KANSL1: variants seen among roughly 807,000 people sequenced by gnomAD.
KANSL1 encodes MLL1/MLL complex subunit KANSL1.
KANSL1 carries 22 observed loss-of-function variants against 103.6 expected under a neutral mutation model. That is an observed-to-expected ratio of 0.21 (90% CI 0.15 to 0.30). The LOEUF is 0.30. KANSL1 is among the 10% of genes least tolerant of loss of function. KANSL1 has a pLI of 1.00. For synonymous variants in KANSL1, 600 were observed against 527.6 expected, an observed-to-expected ratio of 1.14 and a Z score of -1.88; for missense variants, 1,337 against 1,399.8, an observed-to-expected ratio of 0.96 and a Z score of 0.72.
chr17:46,101,654 T>G (rs1598620862), intron 2 of KANSL1, among the ~76,000 whole-genome samples: 2 of 147,142 alleles, frequency 1.4e-5, no homozygotes, highest in South Asian at 4.2e-4. Context: ...CTCAGGAGGC[T>G]GAGGCAGGAG....
chr17:46,046,670 C>G (rs58578412), intron 7 of KANSL1, among the ~76,000 whole-genome samples: 1 of 149,184 alleles, frequency 6.7e-6, no homozygotes, highest in Non-Finnish European at 1.5e-5. Flanking sequence ...ACCCCCATCT[C>G]TACTAAAAGT....
Position 46,030,911 on chromosome 17 carries a change from G to C in KANSL1, c.*565C>G, listed in dbSNP as rs1389541779. 1 of 152,964 alleles carries C rather than the reference G, an allele frequency of 6.5e-6. No homozygotes were observed. Among genetic ancestry groups the C allele is most frequent in the Non-Finnish European group, 1.5e-5 (1 of 68,616 alleles). 9.5% of individuals were successfully genotyped at this position (152,964 alleles called of 1,614,324 possible). ...CTTAAGTTCTGGGTGAGAAAGGAAA[G>C]GTGTTCTGCCAGCTGAGCACTCGGG... is the stretch of plus-strand genomic sequence containing the variant. On this transcript the variant is annotated 3_prime_UTR_variant, in exon 15 of 15. Transcript: ENST00000432791.
intron 2 of KANSL1, among the ~76,000 whole-genome samples, chr17:46,102,886 A>G (rs2042380954): frequency 6.6e-6 from 1 of 152,222 alleles, no homozygotes; most frequent in Admixed American, 6.5e-5. Flanking sequence ...AAGAGATCCT[A>G]ACTATGTCAG....
chr17:46,098,893 A>G (rs1411870534), intron 2 of KANSL1, among the ~76,000 whole-genome samples: 2 of 152,280 alleles, frequency 1.3e-5, no homozygotes, highest in Non-Finnish European at 2.9e-5. Context: ...GCAGAAAGCT[A>G]AACTGTTATT....
At chr17:46,217,282 C>A (rs1197288683) in intron 1 of KANSL1, among the ~76,000 whole-genome samples, 1 of 151,982 alleles carries the variant, frequency 6.6e-6, no homozygotes. Flanking sequence ...TCGAGACCAG[C>A]CTGGCCAATG....
chr17:46,137,454 C>T (rs2044204001), intron 2 of KANSL1, among the ~76,000 whole-genome samples: 1 of 152,190 alleles, frequency 6.6e-6, no homozygotes, highest in African/African-American at 2.4e-5. Flanking sequence ...TCTCGCAGCC[C>T]AGCAAAAATC....
At chr17:46,077,107 A>G (rs2078804478) in intron 4 of KANSL1, among the ~76,000 whole-genome samples, 2 of 152,224 alleles carry the variant, frequency 1.3e-5, no homozygotes, top group South Asian at 2.1e-4. Context: ...GCTCAAGTAC[A>G]GTAGCATGAT....
At chr17:46,131,885 T>C (rs747066363) in intron 2 of KANSL1, among the ~76,000 whole-genome samples, 5 of 152,148 alleles carry the variant, frequency 3.3e-5, no homozygotes, top group African/African-American at 4.8e-5. Flanking sequence ...TCCCAGCACT[T>C]TGGGAGGCCG....
intron 1 of KANSL1, among the ~76,000 whole-genome samples, chr17:46,220,422 T>C (rs992800835): frequency 6.6e-6 from 1 of 152,030 alleles, no homozygotes; most frequent in Admixed American, 6.5e-5. Flanking sequence ...TTCACCGTGT[T>C]AGCCAGGATG....
At chr17:46,194,176 C>A (rs2047524502), upstream of KANSL1, among the ~76,000 whole-genome samples, 1 of 152,272 alleles carries the variant, frequency 6.6e-6, no homozygotes, top group African/African-American at 2.4e-5. Context: ...GCCGGGCCCG[C>A]TGGGAACTGT....
intron 6 of KANSL1, among the ~76,000 whole-genome samples, chr17:46,065,201 G>C (rs1227390596): frequency 6.6e-6 from 1 of 151,044 alleles, no homozygotes; most frequent in Admixed American, 6.6e-5. Context: ...ACTCCTGAAC[G>C]CAAGTGATCC....
chr17:46,133,303 G>A (rs1414667459), intron 2 of KANSL1, among the ~76,000 whole-genome samples: 3 of 152,152 alleles, frequency 2.0e-5, no homozygotes, highest in African/African-American at 7.2e-5. Flanking sequence ...CCACCCAAGG[G>A]CATCGTTCTT....
At chr17:46,064,198 G>T (rs200142942) in intron 6 of KANSL1, among the ~76,000 whole-genome samples, 3 of 151,948 alleles carry the variant, frequency 2.0e-5, no homozygotes, top group African/African-American at 4.8e-5. Flanking sequence ...GGTATCGCCT[G>T]ACAGTCAATT....
rs34563738 is a variant in KANSL1, at chr17:46,054,855, C to CTTT, written c.1849-4154_1849-4152dup. 7.5e-4 allele frequency among the ~76,000 whole-genome samples: 107 copies of CTTT among 142,924 alleles called. 3 individuals carry two copies. The highest frequency in any genetic ancestry group is 2.7e-3 in the South Asian group (12 of 4,416). The allele number at this position is 142,924 out of a possible 152,430, so 93.8% of individuals were successfully genotyped here. A position where few individuals can be genotyped will look rare whatever the true frequency, so the allele number is the denominator to read the frequency against. ...CTTTAAATGTCAGTATTCAAAGTAACTTTTTTTTTTTTTTTGAGATGGAGT... is the reference window on the plus strand; with the variant it reads ...CTTTAAATGTCAGTATTCAAAGTAACTTTTTTTTTTTTTTTTTTGAGATGGAGT... On this transcript the variant is annotated intron_variant, in intron 6 of 14. Coordinates refer to ENST00000432791, the MANE Select transcript of KANSL1 (RefSeq NM_015443.4).
intron 9 of KANSL1, 153 bp from the exon 10 acceptor site, chr17:46,038,839 T>C (rs977588954): frequency 2.5e-6 from 3 of 1,176,688 alleles, no homozygotes; most frequent in Non-Finnish European, 3.6e-6. Flanking sequence ...CTGTGGGAAG[T>C]AGGGGCAGGG....
intron 2 of KANSL1, among the ~76,000 whole-genome samples, chr17:46,096,827 C>T (rs1473639613): frequency 6.6e-6 from 1 of 151,654 alleles, no homozygotes; most frequent in Non-Finnish European, 1.5e-5. Flanking sequence ...CTGTGTTAGC[C>T]AGGATGGTCT....
In KANSL1 at chr17:46,192,856, A is replaced by T. The variant is rs2047413167; in HGVS notation, c.-123T>A. On this transcript the variant is annotated 5_prime_UTR_variant, in exon 1 of 15. Transcript: ENST00000432791. ...GGAGGAGCGTAGCCCGGGCGGATTC[A>T]GCCCCACAAAATGGGCGCAGTTTGC... is the stretch of plus-strand genomic sequence containing the variant. 1 of 153,262 alleles carries T rather than the reference A, an allele frequency of 6.5e-6. No individual in the cohort carries two copies. Among genetic ancestry groups the T allele is most frequent in the Non-Finnish European group, 1.5e-5 (1 of 68,566 alleles). 9.5% of individuals were successfully genotyped at this position (153,262 alleles called of 1,614,324 possible). A position where few individuals can be genotyped will look rare whatever the true frequency, so the allele number is the denominator to read the frequency against.
chr17:46,128,660 A>G (rs1193286051), intron 2 of KANSL1, among the ~76,000 whole-genome samples: 2 of 152,222 alleles, frequency 1.3e-5, no homozygotes, highest in African/African-American at 2.4e-5. Context: ...TTCCAGGCAG[A>G]AGGAATCGAA....
At chr17:46,085,202 A>C (rs1048043151) in intron 3 of KANSL1, among the ~76,000 whole-genome samples, 8 of 152,168 alleles carry the variant, frequency 5.3e-5, no homozygotes, top group Non-Finnish European at 8.8e-5. Context: ...AGTCAGTAGA[A>C]GGTTAAAAAA....
Sources: allele counts gnomAD v4.1 joint callset (sites outside exome capture counted in the v4.1 genomes callset), GRCh38; gene constraint gnomAD v4.1.1; transcripts MANE v1.5; gene names NCBI Gene and HGNC (gene_info 2026-07-23, HGNC 2026-07-21).